Variants in ZNF215 observed in about 807,000 individuals in gnomAD.
ZNF215 encodes BWSCR2-associated zinc finger protein 2.
In ZNF215, 24 loss-of-function variants were observed where a neutral mutation model predicts 27.2. The ratio of observed to expected loss-of-function variants is 0.88; its 90% CI spans 0.64 to 1.24. The LOEUF is 1.24. ZNF215 is among the 50% of genes most tolerant of loss of function. The pLI, the probability that ZNF215 is intolerant of heterozygous loss-of-function variation, is 0.00. For missense variants in ZNF215, 675 were observed against 605.7 expected (o/e 1.11, Z -1.20); for synonymous variants, 210 against 204.0 (o/e 1.03, Z -0.25).
chr11:6,943,050 C>A, intron 4 of ZNF215, 33 bp from the exon 5 acceptor site: 1 of 1,600,278 alleles, frequency 6.2e-7, no homozygotes, highest in Non-Finnish European at 8.5e-7. Context: ...TGGGGAGTGA[C>A]ACCTTTGATT....
chr11:6,978,327 T>C (rs1850876380), intron 5 of ZNF215, among the ~76,000 whole-genome samples: 1 of 152,062 alleles, frequency 6.6e-6, no homozygotes, highest in African/African-American at 2.4e-5. Flanking sequence ...TATGGTTTCA[T>C]TTATATGAAG....
At chr11:6,949,263 C>A (rs1217132257) in intron 6 of ZNF215, among the ~76,000 whole-genome samples, 1 of 152,124 alleles carries the variant, frequency 6.6e-6, no homozygotes, top group East Asian at 1.9e-4. Flanking sequence ...GGTATATTCC[C>A]AGTAATGGGA....
chr11:6,951,198 T>C (rs913089130), intron 6 of ZNF215, among the ~76,000 whole-genome samples: 8 of 152,178 alleles, frequency 5.3e-5, no homozygotes, highest in African/African-American at 1.9e-4. Context: ...AATTCTCTTT[T>C]TTTGTTGTGT....
chr11:6,953,555 A>G (rs1287445838), intron 6 of ZNF215, among the ~76,000 whole-genome samples: 2 of 152,204 alleles, frequency 1.3e-5, no homozygotes, highest in East Asian at 1.9e-4. Flanking sequence ...CATTCTTCAC[A>G]TAGTTCTCGA....
chr11:6,957,698 T>C lies in ZNF215; in HGVS notation c.*1167T>C. 3 of 964,354 alleles carry C rather than the reference T, an allele frequency of 3.1e-6. No individual in the cohort carries two copies. Among genetic ancestry groups the C allele is most frequent in the African/African-American group, 1.8e-5 (1 of 56,872 alleles). The allele number at this position is 964,354 out of a possible 1,614,324, so 59.7% of individuals were successfully genotyped here. ...TTGTTATACATCATTTCACTTAAAG[T>C]TGCAGTTCCTAAGAACCTATTGATG... On this transcript the variant is annotated 3_prime_UTR_variant, in exon 7 of 7. Coordinates refer to ENST00000278319, the MANE Select transcript of ZNF215 (RefSeq NM_013250.4).
rs946720675 is a variant in ZNF215, at chr11:6,975,472, A to T, written c.806-8657A>T. On this transcript the variant is annotated intron_variant, in intron 5 of 5. Coordinates refer to the ZNF215 transcript ENST00000529903. ...ATCCAATAGTAGGTCATATTATTCT[A>T]TTTTTTTTTTGTTCCCATTAACCAT... Among the ~76,000 whole-genome samples the T allele has an allele frequency of 1.1e-4, 16 of 148,204 alleles. No homozygotes were observed. In the South Asian group the frequency reaches 3.0e-3, roughly 28 times the overall value.
rs1016702961 is a variant in ZNF215, at chr11:6,980,625, A to G, written c.806-3504A>G. On this transcript the variant is annotated intron_variant, in intron 5 of 5. Coordinates refer to the ZNF215 transcript ENST00000529903. ...TTTACTTTTTATTATTATTATTATT[A>G]TACTTTAAGTTTTAGGGTACATGTG... Among the ~76,000 whole-genome samples, 184 of 146,060 alleles carry G rather than the reference A, an allele frequency of 1.3e-3. 2 individuals are homozygous for G. Among genetic ancestry groups the G allele is most frequent in the African/African-American group, 4.4e-3 (173 of 39,174 alleles).
chr11:6,963,061 C>G (rs1463794732), intron 5 of ZNF215, among the ~76,000 whole-genome samples: 1 of 152,008 alleles, frequency 6.6e-6, no homozygotes, highest in Non-Finnish European at 1.5e-5. Flanking sequence ...TCTTAGTGCC[C>G]TTTATTTCTA....
intron 3 of ZNF215, among the ~76,000 whole-genome samples, chr11:6,936,083 C>G (rs1467426585): frequency 6.6e-6 from 1 of 152,056 alleles, no homozygotes; most frequent in Non-Finnish European, 1.5e-5. Context: ...TTAAAAAGAT[C>G]TCAACCCTCC....
At position 6,932,717 on chromosome 11, in the gene ZNF215, A is replaced by G. The variant is rs1280701742; in HGVS notation, c.400+45A>G. 8 of 1,526,586 alleles carry G rather than the reference A, an allele frequency of 5.2e-6. No individual in the cohort carries two copies. The Admixed American group carries it at 6.3e-5, about 12-fold the overall frequency. 94.6% of individuals were successfully genotyped at this position (1,526,586 alleles called of 1,614,324 possible). On this transcript the variant is annotated intron_variant, in intron 3 of 6. Transcript: ENST00000278319. The stretch of plus-strand genomic sequence containing the variant: ...AGAGGTAAAATACTTGACCTTTCCC[A>G]TGTAAAGAGAAATTATCTTTTTTTG...
exon 6 of ZNF215, chr11:6,984,428 G>A (rs2857916): frequency 0.32 from 49,114 of 155,222 alleles, 8,123 homozygotes; most frequent in African/African-American, 0.38. Flanking sequence ...CATTTGAAAT[G>A]TGTATATCAC....
At position 6,932,457 on chromosome 11, in the gene ZNF215, C is replaced by T. The variant is rs201447787; in HGVS notation, c.185C>T (p.Pro62Leu). The change falls in exon 3 of 7, where the codon CCC becomes CTC. Residue 62 changes from proline (P) to leucine (L), a missense_variant. Physicochemically the swap from Pro to Leu is moderately conservative, Grantham distance 98 (BLOSUM62 -3). Coordinates refer to ENST00000278319, the MANE Select transcript of ZNF215 (RefSeq NM_013250.4). Reference protein sequence around the residue: ...RHFQYLKVSGPHEALSQLWEL... With the variant: ...RHFQYLKVSGLHEALSQLWEL... The stretch of plus-strand genomic sequence containing the variant: ...TTCCAGTATTTGAAAGTGTCTGGGC[C>T]CCATGAAGCCCTGAGCCAACTCTGG... 2 of 1,614,050 alleles carry T rather than the reference C, an allele frequency of 1.2e-6. No homozygotes were observed. Among genetic ancestry groups the T allele is most frequent in the Admixed American group, 1.7e-5 (1 of 60,002 alleles).
At chr11:6,973,835 C>T (rs958418241) in intron 5 of ZNF215, among the ~76,000 whole-genome samples, 11 of 152,258 alleles carry the variant, frequency 7.2e-5, no homozygotes, top group African/African-American at 2.4e-4. Context: ...TTTTCCCATT[C>T]TGTAGGTTGC....
At chr11:6,944,389 T>C (rs558541940) in intron 6 of ZNF215, among the ~76,000 whole-genome samples, 1 of 151,930 alleles carries the variant, frequency 6.6e-6, no homozygotes, top group Admixed American at 6.5e-5. Flanking sequence ...ATCTTCCATT[T>C]TTCCTTTTTT....
Position 6,955,883 on chromosome 11 carries a change from A to G in ZNF215, c.906A>G (p.Glu302=), listed in dbSNP as rs1850317122. ...TTTACACTGAGGAGGAAGATTTTGAATGTAGTGAAAATAAGAAAAGCTTTG... is the reference window on the plus strand; with the variant it reads ...TTTACACTGAGGAGGAAGATTTTGAGTGTAGTGAAAATAAGAAAAGCTTTG... ...ETIYTEEEDF[E]CSENKKSFDI... Residue 302 remains glutamate (E), a synonymous_variant, in exon 7 of 7, where the codon GAA becomes GAG. Coordinates refer to ENST00000278319, the MANE Select transcript of ZNF215 (RefSeq NM_013250.4). The G allele has an allele frequency of 6.2e-7, 1 of 1,610,216 alleles. No homozygotes were observed. The highest frequency in any genetic ancestry group is 8.5e-7 in the Non-Finnish European group (1 of 1,179,038).
At chr11:6,967,139 C>T (rs1009827552) in intron 5 of ZNF215, among the ~76,000 whole-genome samples, 2 of 152,152 alleles carry the variant, frequency 1.3e-5, no homozygotes, top group African/African-American at 4.8e-5. Flanking sequence ...AGGACATAAA[C>T]TCATCCTTTT....
chr11:6,933,631 C>CA (rs1021811503), intron 3 of ZNF215, among the ~76,000 whole-genome samples: 8 of 147,822 alleles, frequency 5.4e-5, no homozygotes, highest in South Asian at 2.2e-4. Context: ...ACTAAAAATA[C>CA]AAAAAAAAAA....
chr11:6,957,652 T>C lies in ZNF215; in HGVS notation c.*1121T>C, dbSNP rs1850418912. 2 of 657,068 alleles carry C rather than the reference T, an allele frequency of 3.0e-6. No individual in the cohort carries two copies. Among genetic ancestry groups the C allele is most frequent in the South Asian group, 1.4e-4 (2 of 14,692 alleles). The allele number at this position is 657,068 out of a possible 1,614,324, so 40.7% of individuals were successfully genotyped here. A position where few individuals can be genotyped will look rare whatever the true frequency, so the allele number is the denominator to read the frequency against. ...GAACTTAACTCTTGTTTGTATCCAT[T>C]AGTCTATGGTAAAATTGGTTTTGTT... On this transcript the variant is annotated 3_prime_UTR_variant, in exon 7 of 7. Transcript: ENST00000278319.
chr11:6,961,320 G>T (rs1481276240), downstream of ZNF215, among the ~76,000 whole-genome samples: 2 of 152,116 alleles, frequency 1.3e-5, no homozygotes, highest in African/African-American at 4.8e-5. Flanking sequence ...AATGACAAGT[G>T]GTAGGGGTGG....
Sources: gnomAD v4.1 joint callset for allele counts (sites outside exome capture counted in the v4.1 genomes callset) on GRCh38, gnomAD v4.1.1 for gene constraint, MANE v1.5 for transcripts, NCBI Gene and HGNC (gene_info 2026-07-23, HGNC 2026-07-21) for gene names.